The following NUBPL variants were observed in gnomAD, a reference collection of about 807,000 sequenced individuals.
NUBPL encodes NUBP iron-sulfur cluster assembly factor, mitochondrial.
In NUBPL, 31 loss-of-function variants were observed where a neutral mutation model predicts 45.7. The observed-to-expected ratio is 0.68, with a 90% CI of 0.51 to 0.92. NUBPL has a LOEUF of 0.92. Ranked by LOEUF, NUBPL falls within the 40% of genes least tolerant of loss-of-function variation. The probability of loss-of-function intolerance (pLI) is 0.00; values close to 1 mark genes in which losing one functional copy is unlikely to be tolerated. For synonymous variants in NUBPL, 144 were observed against 140.9 expected (o/e 1.02, Z -0.15); for missense variants, 401 against 398.7 (o/e 1.01, Z -0.05).
intron 7 of NUBPL, among the ~76,000 whole-genome samples, chr14:31,820,649 C>T (rs1372895288): frequency 6.6e-6 from 1 of 151,764 alleles, no homozygotes; most frequent in Admixed American, 6.6e-5. Flanking sequence ...TAAGGTGAAA[C>T]CCCATCTCTG....
intron 8 of NUBPL, among the ~76,000 whole-genome samples, chr14:31,829,502 C>G (rs576783454): frequency 6.6e-6 from 1 of 152,196 alleles, no homozygotes; most frequent in East Asian, 1.9e-4. Flanking sequence ...ATTTGTTGAC[C>G]TCTGAGATCC....
intron 7 of NUBPL, among the ~76,000 whole-genome samples, chr14:31,825,024 T>C (rs2040075006): frequency 6.6e-6 from 1 of 152,190 alleles, no homozygotes; most frequent in African/African-American, 2.4e-5. Context: ...GCACTTTCTC[T>C]CAAAACTCTG....
intron 4 of NUBPL, among the ~76,000 whole-genome samples, chr14:31,656,746 AAG>A (rs2036150483): frequency 6.6e-6 from 1 of 152,240 alleles, no homozygotes; most frequent in Admixed American, 6.5e-5. Context: ...AATAATAAAA[AAG>A]TGTGAAATAT....
chr14:31,840,146 C>T (rs2040345362), intron 8 of NUBPL, among the ~76,000 whole-genome samples: 1 of 152,156 alleles, frequency 6.6e-6, no homozygotes, highest in African/African-American at 2.4e-5. Context: ...AAAGAGATAC[C>T]TGCACTCACA....
chr14:31,837,033 G>A (rs1306814213), intron 8 of NUBPL, among the ~76,000 whole-genome samples: 1 of 152,134 alleles, frequency 6.6e-6, no homozygotes, highest in East Asian at 1.9e-4. Flanking sequence ...TTTTTAAAGT[G>A]TTTTATTTAT....
rs2040671950 is a variant in NUBPL, at chr14:31,859,127, T to C, written c.907T>C (p.Tyr303His). The C allele has an allele frequency of 1.2e-6, 2 of 1,613,820 alleles. No homozygotes were observed. Among genetic ancestry groups the C allele is most frequent in the Non-Finnish European group, 1.7e-6 (2 of 1,179,798 alleles). Residue 303 changes from tyrosine (Y) to histidine (H), a missense_variant, in exon 11 of 11, where the codon TAC becomes CAC. Tyr to His is a moderately conservative substitution (Grantham distance 83, BLOSUM62 2). Coordinates refer to ENST00000281081, the MANE Select transcript of NUBPL (RefSeq NM_025152.3). ...SQPESDEAKA[Y>H]LRIAVEVVRR... The stretch of plus-strand genomic sequence containing the variant: ...GTTTGTTCTTTTCCAGGCCAAAGCT[T>C]ACTTGAGGATTGCTGTGGAAGTGGT...
At chr14:31,745,509 T>A (rs1166131819) in intron 6 of NUBPL, among the ~76,000 whole-genome samples, 1 of 152,208 alleles carries the variant, frequency 6.6e-6, no homozygotes, top group Non-Finnish European at 1.5e-5. Context: ...CTAGCCAGGA[T>A]GGTCTTGATC....
At chr14:31,710,351 A>G (rs1016602523) in intron 6 of NUBPL, among the ~76,000 whole-genome samples, 2 of 152,110 alleles carry the variant, frequency 1.3e-5, no homozygotes, top group African/African-American at 4.8e-5. Flanking sequence ...GCAGCAGCAG[A>G]AACAACCCCT....
chr14:31,853,870 C>T (rs2040578393), intron 10 of NUBPL, among the ~76,000 whole-genome samples: 2 of 152,146 alleles, frequency 1.3e-5, no homozygotes, highest in Admixed American at 1.3e-4. Context: ...AGCATCCCCG[C>T]ATGCTGGTAT....
At chr14:31,652,491 T>C (rs978111503) in intron 4 of NUBPL, among the ~76,000 whole-genome samples, 3 of 152,200 alleles carry the variant, frequency 2.0e-5, no homozygotes, top group African/African-American at 4.8e-5. Flanking sequence ...ATAAGCTTGA[T>C]TGAATCACTC....
intron 7 of NUBPL, among the ~76,000 whole-genome samples, chr14:31,813,933 A>G (rs1466501313): frequency 6.6e-6 from 1 of 152,174 alleles, no homozygotes. Context: ...CCAGTCCATC[A>G]TTGATGGGCA....
chr14:31,712,304 G>A (rs1488427361), intron 6 of NUBPL, among the ~76,000 whole-genome samples: 1 of 152,238 alleles, frequency 6.6e-6, no homozygotes, highest in East Asian at 1.9e-4. Flanking sequence ...CAACCCAGAA[G>A]CCCAGATGGC....
At chr14:31,705,269 G>A (rs145342371) in intron 6 of NUBPL, among the ~76,000 whole-genome samples, 19 of 152,316 alleles carry the variant, frequency 1.2e-4, no homozygotes, top group South Asian at 1.0e-3. Context: ...TCATAAAGGC[G>A]GTGCAGACCC....
chr14:31,671,237 A>G (rs1343942977), intron 4 of NUBPL, among the ~76,000 whole-genome samples: 2 of 152,122 alleles, frequency 1.3e-5, no homozygotes, highest in Admixed American at 1.3e-4. Context: ...ATAGTATTCT[A>G]TTGTGTCTAT....
At chr14:31,856,637 A>C (rs1486291953) in intron 10 of NUBPL, among the ~76,000 whole-genome samples, 23 of 152,234 alleles carry the variant, frequency 1.5e-4, no homozygotes, top group Admixed American at 1.5e-3. Context: ...TTGGGTAAAT[A>C]CAGCTGTTCT....
intron 6 of NUBPL, among the ~76,000 whole-genome samples, chr14:31,681,475 G>GT (rs34283517): frequency 0.49 from 70,895 of 145,270 alleles, 19,659 homozygotes; most frequent in Non-Finnish European, 0.62. Flanking sequence ...AACTTTACTG[G>GT]TTTTTTTTTT....
intron 4 of NUBPL, among the ~76,000 whole-genome samples, chr14:31,616,532 C>G (rs772041485): frequency 9.9e-5 from 15 of 151,928 alleles, no homozygotes; most frequent in Middle Eastern, 3.2e-3. Context: ...ATAGGGAATC[C>G]TTTCCCCATT....
At chr14:31,634,781 C>G (rs1264116759) in intron 4 of NUBPL, among the ~76,000 whole-genome samples, 1 of 151,090 alleles carries the variant, frequency 6.6e-6, no homozygotes, top group African/African-American at 2.4e-5. Context: ...GATTGCCATT[C>G]TAACTGGTGT....
chr14:31,693,857 C>T (rs12885746), intron 6 of NUBPL, among the ~76,000 whole-genome samples: 22,869 of 58,518 alleles, frequency 0.39, 6,021 homozygotes, highest in African/African-American at 0.72. Flanking sequence ...CTTTTCTTTT[C>T]TTTTTTTTTT....
Sources: allele counts gnomAD v4.1 joint callset (sites outside exome capture counted in the v4.1 genomes callset), GRCh38; gene constraint gnomAD v4.1.1; transcripts MANE v1.5; gene names NCBI Gene and HGNC (gene_info 2026-07-23, HGNC 2026-07-21).